The following PROS1 variants were observed in gnomAD, a reference collection of about 807,000 sequenced individuals.
The protein encoded by PROS1 is vitamin K-dependent protein S.
Under a neutral mutation model 75.9 loss-of-function variants are expected in PROS1, and 29 were observed. The observed-to-expected ratio is 0.38, with a 90% CI of 0.28 to 0.52. PROS1 has a LOEUF of 0.52. Ranked by LOEUF, PROS1 falls within the 20% of genes least tolerant of loss-of-function variation. The probability of loss-of-function intolerance (pLI) is 0.83; values close to 1 mark genes in which losing one functional copy is unlikely to be tolerated. For missense variants in PROS1, 680 were observed against 810.3 expected, an observed-to-expected ratio of 0.84 and a Z score of 1.95; for synonymous variants, 245 against 280.6, an observed-to-expected ratio of 0.87 and a Z score of 1.27.
chr3:93,956,162 C>A (rs142963949), intron 1 of PROS1, among the ~76,000 whole-genome samples: 2 of 151,966 alleles, frequency 1.3e-5, no homozygotes, highest in South Asian at 4.2e-4. Context: ...AAATATACAG[C>A]GGTAGGATAG....
chr3:93,933,385 G>A (rs1709134575), intron 1 of PROS1, among the ~76,000 whole-genome samples: 1 of 151,976 alleles, frequency 6.6e-6, no homozygotes, highest in South Asian at 2.1e-4. Flanking sequence ...AACCAGCCTG[G>A]GCATCATAGG....
chr3:93,909,410 G>C (rs1311323686), intron 4 of PROS1, among the ~76,000 whole-genome samples: 1 of 147,432 alleles, frequency 6.8e-6, no homozygotes, highest in African/African-American at 2.5e-5. Flanking sequence ...ACTCCAGCCT[G>C]GGCAACAAAG....
intron 2 of PROS1, 109 bp downstream of exon 2, chr3:93,927,141 A>G: frequency 7.1e-7 from 1 of 1,409,698 alleles, no homozygotes. Flanking sequence ...AAGGTGATAC[A>G]CAGAATTATT....
At chr3:93,914,022 C>G (rs1220368577) in intron 3 of PROS1, among the ~76,000 whole-genome samples, 2 of 152,260 alleles carry the variant, frequency 1.3e-5, no homozygotes, top group Non-Finnish European at 2.9e-5. Flanking sequence ...GTCCTGACTT[C>G]TGAGCACACA....
At chr3:93,876,820 T>A (rs1383950939) in intron 14 of PROS1, 146 bp downstream of exon 14, 3 of 533,700 alleles carry the variant, frequency 5.6e-6, no homozygotes, top group Non-Finnish European at 9.5e-6. Flanking sequence ...GCCAATAAAA[T>A]GTCGGTACTA....
intron 4 of PROS1, among the ~76,000 whole-genome samples, chr3:93,908,303 A>G (rs1038847214): frequency 1.3e-5 from 2 of 152,218 alleles, no homozygotes; most frequent in African/African-American, 4.8e-5. Flanking sequence ...CCTAAGGAAA[A>G]GAAAATAAAC....
intron 1 of PROS1, among the ~76,000 whole-genome samples, chr3:93,937,208 A>G (rs1709196974): frequency 6.6e-6 from 1 of 152,150 alleles, no homozygotes; most frequent in Non-Finnish European, 1.5e-5. Context: ...AAGATTTCAC[A>G]TGAAAGGGTC....
chr3:93,928,461 G>A (rs1332993939), intron 1 of PROS1, among the ~76,000 whole-genome samples: 3 of 150,150 alleles, frequency 2.0e-5, no homozygotes, highest in Admixed American at 6.7e-5. Context: ...TTGAACCAGG[G>A]AGCCAGAGGT....
intron 1 of PROS1, among the ~76,000 whole-genome samples, chr3:93,968,856 A>G (rs1709828330): frequency 6.6e-6 from 1 of 152,238 alleles, no homozygotes; most frequent in South Asian, 2.1e-4. Context: ...TACTGTCCAC[A>G]GGAGAAATAG....
intron 3 of PROS1, among the ~76,000 whole-genome samples, chr3:93,918,887 T>C (rs1444935751): frequency 6.6e-6 from 1 of 152,210 alleles, no homozygotes; most frequent in Non-Finnish European, 1.5e-5. Flanking sequence ...CTTGAAAATA[T>C]ATATTTACAA....
intron 1 of PROS1, among the ~76,000 whole-genome samples, chr3:93,932,767 A>G (rs879341225): frequency 1.3e-5 from 2 of 152,174 alleles, no homozygotes; most frequent in South Asian, 2.1e-4. Flanking sequence ...TGGTTTCATA[A>G]GAGCCCCTGT....
intron 1 of PROS1, among the ~76,000 whole-genome samples, chr3:93,960,951 A>C (rs1709697565): frequency 6.6e-6 from 1 of 152,088 alleles, no homozygotes; most frequent in African/African-American, 2.4e-5. Flanking sequence ...AAAAAAAACA[A>C]AGGCGGTTTT....
At chr3:93,920,427 A>T (rs1450027726) in intron 3 of PROS1, among the ~76,000 whole-genome samples, 1 of 152,022 alleles carries the variant, frequency 6.6e-6, no homozygotes, top group Non-Finnish European at 1.5e-5. Flanking sequence ...ATGTTATGGG[A>T]TTTGCTGCTA....
At chr3:93,934,915 A>C (rs1327157707) in intron 1 of PROS1, among the ~76,000 whole-genome samples, 2 of 151,954 alleles carry the variant, frequency 1.3e-5, no homozygotes, top group Non-Finnish European at 1.5e-5. Context: ...TTATAACTTC[A>C]ATTTACAGCC....
intron 1 of PROS1, among the ~76,000 whole-genome samples, chr3:93,970,982 C>A (rs1228567963): frequency 6.6e-6 from 1 of 151,524 alleles, no homozygotes; most frequent in Admixed American, 6.6e-5. Context: ...GCACTCCGGT[C>A]TGGGCAAGAT....
At chr3:93,954,954 C>CA in intron 1 of PROS1, among the ~76,000 whole-genome samples, 1 of 152,334 alleles carries the variant, frequency 6.6e-6, no homozygotes, top group Non-Finnish European at 1.5e-5. Context: ...GACATTTATG[C>CA]AGCCAACAGA....
chr3:93,918,148 A>G (rs1708888234), intron 3 of PROS1, among the ~76,000 whole-genome samples: 1 of 152,056 alleles, frequency 6.6e-6, no homozygotes, highest in Admixed American at 6.5e-5. Context: ...AAACACACCA[A>G]TCAGCACCCT....
Position 93,875,670 on chromosome 3 carries a change from CTATCTATCATCT to C in PROS1, c.1871-1277_1871-1266del, listed in dbSNP as rs781423449. Reference sequence around the variant, plus strand: ...TCTATCTATCTATCTATCTATCTATCTATCTATCATCTATCTATCTGTCTGTCTTTCTATAGC... The same window carrying C: ...TCTATCTATCTATCTATCTATCTATCATCTATCTGTCTGTCTTTCTATAGC... On this transcript the variant is annotated intron_variant, in intron 14 of 14. Transcript: ENST00000394236. Among the ~76,000 whole-genome samples the C allele has an allele frequency of 9.9e-4, 136 of 137,236 alleles. 1 individual carries two copies. Among genetic ancestry groups the C allele is most frequent in the Admixed American group, 2.3e-3 (31 of 13,580 alleles). 90.0% of individuals were successfully genotyped at this position (137,236 alleles called of 152,430 possible).
intron 1 of PROS1, among the ~76,000 whole-genome samples, chr3:93,934,417 A>G (rs1214737597): frequency 6.6e-6 from 1 of 152,190 alleles, no homozygotes; most frequent in African/African-American, 2.4e-5. Context: ...GTAGGGATTC[A>G]CCAACTATTA....
Sources: allele counts gnomAD v4.1 joint callset (sites outside exome capture counted in the v4.1 genomes callset), GRCh38; gene constraint gnomAD v4.1.1; transcripts MANE v1.5; gene names NCBI Gene and HGNC (gene_info 2026-07-23, HGNC 2026-07-21).